Variants in CLIP2 observed in about 807,000 individuals in gnomAD.
The protein encoded by CLIP2 is CAP-Gly domain-containing linker protein 2.
A neutral mutation model predicts 111.7 loss-of-function variants in CLIP2; 41 were observed. The observed-to-expected ratio is 0.37, with a 90% CI of 0.29 to 0.48. CLIP2 has a LOEUF of 0.48. Ranked by LOEUF, CLIP2 falls within the 20% of genes least tolerant of loss-of-function variation. CLIP2 has a pLI of 0.99. For missense variants in CLIP2, 1,160 were observed against 1,422.1 expected, an observed-to-expected ratio of 0.82 and a Z score of 2.96; for synonymous variants, 660 against 644.2, an observed-to-expected ratio of 1.02 and a Z score of -0.37.
At chr7:74,295,185 C>T (rs1470798306) in intron 1 of CLIP2, among the ~76,000 whole-genome samples, 1 of 152,114 alleles carries the variant, frequency 6.6e-6, no homozygotes, top group East Asian at 1.9e-4. Context: ...TGGTCTCAAA[C>T]CCCTGAGATC....
At chr7:74,331,864 C>T (rs1178797952) in intron 2 of CLIP2, among the ~76,000 whole-genome samples, 4 of 151,910 alleles carry the variant, frequency 2.6e-5, no homozygotes, top group Non-Finnish European at 4.4e-5. Context: ...TGATCCACCA[C>T]GCCCAGCCGG....
At chr7:74,368,090 A>G (rs540774100) in intron 8 of CLIP2, among the ~76,000 whole-genome samples, 1 of 152,086 alleles carries the variant, frequency 6.6e-6, no homozygotes, top group East Asian at 1.9e-4. Context: ...ATGCATGCCT[A>G]TGGTCCCAGC....
chr7:74,342,889 G>T (rs1467801143), intron 3 of CLIP2, among the ~76,000 whole-genome samples: 1 of 152,066 alleles, frequency 6.6e-6, no homozygotes, highest in Non-Finnish European at 1.5e-5. Context: ...CAAAAAATTA[G>T]CCGGGTGCAG....
At chr7:74,362,684 A>G (rs1790367127) in intron 7 of CLIP2, among the ~76,000 whole-genome samples, 1 of 151,558 alleles carries the variant, frequency 6.6e-6, no homozygotes, top group Admixed American at 6.6e-5. Context: ...ACAGGTGCGC[A>G]TCACCATGCC....
intron 7 of CLIP2, among the ~76,000 whole-genome samples, chr7:74,363,505 G>A (rs118026838): frequency 3.2e-4 from 49 of 152,302 alleles, no homozygotes; most frequent in South Asian, 2.5e-3. Flanking sequence ...AAGATCAACA[G>A]CAAAGGAAGC....
At chr7:74,353,829 C>G (rs782269652) in intron 3 of CLIP2, 51 bp from the exon 4 acceptor site, 1 of 1,613,704 alleles carries the variant, frequency 6.2e-7, no homozygotes, top group Non-Finnish European at 8.5e-7. Context: ...CCTGCCATCT[C>G]TGCCTGTGCC....
intron 2 of CLIP2, among the ~76,000 whole-genome samples, chr7:74,323,675 C>T (rs1789030483): frequency 6.6e-6 from 1 of 152,140 alleles, no homozygotes; most frequent in Admixed American, 6.6e-5. Flanking sequence ...ATCTGCCTGC[C>T]TCGGCCTCCC....
intron 1 of CLIP2, among the ~76,000 whole-genome samples, chr7:74,297,651 G>A (rs1275382983): frequency 6.6e-6 from 1 of 152,022 alleles, no homozygotes; most frequent in Non-Finnish European, 1.5e-5. Context: ...TAGGGGACCA[G>A]CCTTTCCAGC....
At chr7:74,329,584 T>C (rs1789218391) in intron 2 of CLIP2, among the ~76,000 whole-genome samples, 1 of 152,082 alleles carries the variant, frequency 6.6e-6, no homozygotes, top group African/African-American at 2.4e-5. Flanking sequence ...TTTGTTTTCA[T>C]AATACCTAGG....
In CLIP2 at chr7:74,400,340, T is replaced by C. The variant is rs782326219; in HGVS notation, c.2881-30T>C. 5.1e-6 allele frequency: 8 copies of C among 1,575,468 alleles called. No individual in the cohort carries two copies. In the South Asian group the frequency reaches 7.0e-5, roughly 14 times the overall value. On this transcript the variant is annotated intron_variant, in intron 14 of 16. Transcript: ENST00000223398. ...CCACCAACACACACACGCACACTCA[T>C]GTACTCTTCCACTCTCCTGCCACTT... is the stretch of plus-strand genomic sequence containing the variant.
intron 3 of CLIP2, among the ~76,000 whole-genome samples, chr7:74,347,625 C>T (rs1789840426): frequency 3.3e-5 from 5 of 152,328 alleles, no homozygotes; most frequent in Admixed American, 3.3e-4. Context: ...GCCCTGGCGG[C>T]CACGCCTACT....
chr7:74,357,175 T>C, intron 5 of CLIP2, 105 bp from the exon 6 acceptor site: 1 of 978,434 alleles, frequency 1.0e-6, no homozygotes, highest in Non-Finnish European at 1.6e-6. Flanking sequence ...TCAAGGCACT[T>C]GGGCTCCCAC....
intron 3 of CLIP2, among the ~76,000 whole-genome samples, chr7:74,349,392 C>T (rs1282631150): frequency 1.0e-4 from 14 of 135,586 alleles, no homozygotes; most frequent in Middle Eastern, 4.5e-3. Flanking sequence ...GATCGTGCCA[C>T]TGCACTCCAG....
intron 13 of CLIP2, among the ~76,000 whole-genome samples, chr7:74,391,417 C>A (rs1233179964): frequency 6.6e-6 from 1 of 152,188 alleles, no homozygotes; most frequent in Admixed American, 6.6e-5. Context: ...AAGGGACCCA[C>A]TGGGATTTCC....
chr7:74,388,962 A>C (rs1244668332), intron 12 of CLIP2, 141 bp from the exon 13 acceptor site: 1 of 1,029,234 alleles, frequency 9.7e-7, no homozygotes, highest in Non-Finnish European at 1.4e-6. Context: ...TCTCTAAAAA[A>C]ACCGTCAAAA....
At chr7:74,392,947 C>T (rs575993683) in intron 13 of CLIP2, among the ~76,000 whole-genome samples, 26 of 152,124 alleles carry the variant, frequency 1.7e-4, no homozygotes, top group Non-Finnish European at 2.2e-4. Context: ...TTCTGATGGG[C>T]GTGGGCCCCC....
chr7:74,399,257 G>T (rs886766694), intron 14 of CLIP2, among the ~76,000 whole-genome samples: 12 of 152,208 alleles, frequency 7.9e-5, no homozygotes, highest in Non-Finnish European at 1.3e-4. Flanking sequence ...GAAGAAGGGT[G>T]CTGGGTGCGG....
intron 1 of CLIP2, among the ~76,000 whole-genome samples, chr7:74,302,375 C>A (rs990761876): frequency 6.6e-6 from 1 of 151,786 alleles, no homozygotes. Context: ...ACCACCACGC[C>A]CAATTAATTT....
chr7:74,304,418 C>T (rs765100781), intron 1 of CLIP2, among the ~76,000 whole-genome samples: 2 of 151,560 alleles, frequency 1.3e-5, no homozygotes, highest in African/African-American at 4.8e-5. Flanking sequence ...CCCAGCTACT[C>T]GGGAGGCTGA....
Sources: allele counts gnomAD v4.1 joint callset (sites outside exome capture counted in the v4.1 genomes callset), GRCh38; gene constraint gnomAD v4.1.1; transcripts MANE v1.5; gene names NCBI Gene and HGNC (gene_info 2026-07-23, HGNC 2026-07-21).